Variants in PCDH15 observed in about 807,000 individuals in gnomAD.
PCDH15 encodes the protein protocadherin related 15.
A neutral mutation model predicts 178.5 loss-of-function variants in PCDH15; 129 were observed. The observed-to-expected ratio is 0.72, with a 90% CI of 0.63 to 0.84. PCDH15 has a LOEUF of 0.84. Among genes scored for constraint, PCDH15 ranks in the 40% least tolerant of loss-of-function variants. PCDH15 has a pLI of 0.00. For synonymous variants in PCDH15, 800 were observed against 732.0 expected (o/e 1.09, Z -1.50); for missense variants, 2,230 against 2,099.9 (o/e 1.06, Z -1.21).
At chr10:54,544,349 T>G (rs1329745968) in intron 2 of PCDH15, among the ~76,000 whole-genome samples, 2 of 152,184 alleles carry the variant, frequency 1.3e-5, no homozygotes, top group Non-Finnish European at 2.9e-5. Context: ...TCTCTAAAAC[T>G]GAATATAATA....
intron 2 of PCDH15, among the ~76,000 whole-genome samples, chr10:55,430,595 C>T (rs1057168005): frequency 6.6e-6 from 1 of 151,850 alleles, no homozygotes; most frequent in African/African-American, 2.4e-5. Context: ...CTGTTTTTAC[C>T]CACGAAGGCC....
intron 26 of PCDH15, among the ~76,000 whole-genome samples, chr10:53,887,341 A>G (rs1454999284): frequency 1.3e-5 from 2 of 152,232 alleles, no homozygotes; most frequent in African/African-American, 4.8e-5. Flanking sequence ...TAGATGGAAT[A>G]AACTATGCTA....
chr10:54,128,472 T>C (rs2042160384), intron 15 of PCDH15, among the ~76,000 whole-genome samples: 1 of 152,194 alleles, frequency 6.6e-6, no homozygotes, highest in African/African-American at 2.4e-5. Flanking sequence ...TTAGTTGTAC[T>C]GACTCAAATC....
intron 2 of PCDH15, among the ~76,000 whole-genome samples, chr10:55,470,353 A>G (rs1839930009): frequency 6.8e-6 from 1 of 147,172 alleles, no homozygotes; most frequent in Admixed American, 6.8e-5. Context: ...CTCAAAAAAG[A>G]AAAAAAAAAA....
intron 2 of PCDH15, among the ~76,000 whole-genome samples, chr10:55,537,412 T>C (rs1321260412): frequency 1.3e-5 from 1 of 77,592 alleles, no homozygotes; most frequent in African/African-American, 3.1e-5. Flanking sequence ...TTTATGTATT[T>C]ATGTATGTAT....
chr10:54,857,019 CCT>C (rs1953753564), intron 3 of PCDH15, among the ~76,000 whole-genome samples: 1 of 152,036 alleles, frequency 6.6e-6, no homozygotes, highest in Non-Finnish European at 1.5e-5. Context: ...CTGACACAAC[CCT>C]CTGAGGACTT....
chr10:53,904,654 G>A (rs1231950507), intron 25 of PCDH15, among the ~76,000 whole-genome samples: 1 of 152,038 alleles, frequency 6.6e-6, no homozygotes, highest in Non-Finnish European at 1.5e-5. Context: ...GCGAAATAGG[G>A]CTAATAGCAG....
intron 2 of PCDH15, among the ~76,000 whole-genome samples, chr10:55,395,432 A>T (rs190211856): frequency 1.1e-4 from 17 of 152,232 alleles, no homozygotes. Flanking sequence ...GAAACAGACC[A>T]TTGCTTCCTA....
At chr10:54,436,605 C>G (rs573140972) in intron 3 of PCDH15, among the ~76,000 whole-genome samples, 1 of 150,688 alleles carries the variant, frequency 6.6e-6, no homozygotes, top group African/African-American at 2.5e-5. Flanking sequence ...GAAATTTGTT[C>G]ATTTAATTGA....
At chr10:55,337,817 A>C (rs2131949469) in intron 2 of PCDH15, among the ~76,000 whole-genome samples, 1 of 149,096 alleles carries the variant, frequency 6.7e-6, no homozygotes, top group Admixed American at 6.8e-5. Flanking sequence ...TGACAGAATA[A>C]AAATATCCTA....
At chr10:53,895,844 G>A (rs1203061558) in intron 26 of PCDH15, among the ~76,000 whole-genome samples, 1 of 152,136 alleles carries the variant, frequency 6.6e-6, no homozygotes, top group African/African-American at 2.4e-5. Context: ...TTCACAGAAA[G>A]TTAGTATGTT....
At chr10:54,371,791 T>C (rs567004411) in intron 4 of PCDH15, among the ~76,000 whole-genome samples, 1 of 152,084 alleles carries the variant, frequency 6.6e-6, no homozygotes, top group South Asian at 2.1e-4. Context: ...CACTTCCAAA[T>C]ACTTTTCCTC....
intron 2 of PCDH15, among the ~76,000 whole-genome samples, chr10:55,046,205 T>C (rs556693822): frequency 4.6e-5 from 7 of 152,036 alleles, no homozygotes; most frequent in Admixed American, 3.9e-4. Context: ...GCTTGCAAAA[T>C]ACAGTCTGGC....
chr10:55,259,659 A>AC (rs542711751), intron 1 of PCDH15, among the ~76,000 whole-genome samples: 485 of 152,238 alleles, frequency 3.2e-3, no homozygotes, highest in Admixed American at 8.0e-3. Context: ...CAATCCCAGC[A>AC]CTTTGGGAGG....
chr10:55,235,337 A>G (rs1841347712), intron 1 of PCDH15, among the ~76,000 whole-genome samples: 1 of 151,952 alleles, frequency 6.6e-6, no homozygotes, highest in African/African-American at 2.4e-5. Context: ...TTCCATTCGT[A>G]ACTTAGTCCT....
intron 21 of PCDH15, among the ~76,000 whole-genome samples, chr10:53,973,261 G>A (rs1323863628): frequency 7.2e-6 from 1 of 139,752 alleles, no homozygotes; most frequent in Non-Finnish European, 1.5e-5. Flanking sequence ...TGGACACAGG[G>A]CGAGGAACAT....
chr10:54,093,246 C>T (rs2094632649), intron 15 of PCDH15, among the ~76,000 whole-genome samples: 2 of 152,104 alleles, frequency 1.3e-5, no homozygotes, highest in African/African-American at 4.8e-5. Context: ...ATATTGGAAA[C>T]TTTGAAGACT....
intron 3 of PCDH15, among the ~76,000 whole-genome samples, chr10:54,500,347 C>T (rs1385858031): frequency 6.6e-6 from 1 of 152,078 alleles, no homozygotes; most frequent in African/African-American, 2.4e-5. Context: ...GGGTACTGCA[C>T]TCACTACCTT....
intron 26 of PCDH15, among the ~76,000 whole-genome samples, chr10:53,891,913 G>A (rs1419672272): frequency 6.6e-6 from 1 of 151,606 alleles, no homozygotes; most frequent in East Asian, 1.9e-4. Context: ...AGGTTGCAGT[G>A]AGCCGAGATC....
Sources: allele counts gnomAD v4.1 joint callset (sites outside exome capture counted in the v4.1 genomes callset), GRCh38; gene constraint gnomAD v4.1.1; transcripts MANE v1.5; gene names NCBI Gene and HGNC (gene_info 2026-07-23, HGNC 2026-07-21).